NRXN3: variants seen among roughly 807,000 people sequenced by gnomAD.
NRXN3 encodes neurexin III.
NRXN3 carries 32 observed loss-of-function variants against 137.6 expected under a neutral mutation model. That is an observed-to-expected ratio of 0.23 (90% confidence interval 0.18 to 0.31). NRXN3 has a LOEUF of 0.31. NRXN3 is among the 10% of genes least tolerant of loss of function. The probability of loss-of-function intolerance (pLI) is 1.00; values close to 1 mark genes in which losing one functional copy is unlikely to be tolerated. For synonymous variants in NRXN3, 798 were observed against 784.5 expected (o/e 1.02, Z -0.29); for missense variants, 1,574 against 2,062.5 (o/e 0.76, Z 4.59).
chr14:79,529,230 C>A (rs1034339095), intron 16 of NRXN3, among the ~76,000 whole-genome samples: 1 of 152,046 alleles, frequency 6.6e-6, no homozygotes, highest in African/African-American at 2.4e-5. Context: ...AGCAAGCAGG[C>A]GGTACGTGAC....
At chr14:79,619,069 A>C (rs2098193115) in intron 16 of NRXN3, among the ~76,000 whole-genome samples, 1 of 151,670 alleles carries the variant, frequency 6.6e-6, no homozygotes, top group Admixed American at 6.6e-5. Context: ...TTTTGTGTTG[A>C]ATTGTTTAAG....
chr14:78,908,450 G>A (rs1160990766), intron 10 of NRXN3, among the ~76,000 whole-genome samples: 1 of 151,608 alleles, frequency 6.6e-6, no homozygotes, highest in Non-Finnish European at 1.5e-5. Flanking sequence ...CTGATTGTTG[G>A]AACTTCCTCC....
At chr14:79,243,561 G>A (rs1272859782) in intron 15 of NRXN3, among the ~76,000 whole-genome samples, 2 of 152,128 alleles carry the variant, frequency 1.3e-5, no homozygotes, top group Non-Finnish European at 1.5e-5. Context: ...TACATTCTAA[G>A]AAATGTGTCC....
intron 4 of NRXN3, among the ~76,000 whole-genome samples, chr14:78,314,850 A>G (rs1362587802): frequency 6.6e-6 from 1 of 151,484 alleles, no homozygotes; most frequent in Admixed American, 6.6e-5. Flanking sequence ...ACACACATGT[A>G]TGTGTATTTT....
chr14:78,961,690 C>T (rs1228724877), intron 11 of NRXN3, among the ~76,000 whole-genome samples: 2 of 152,186 alleles, frequency 1.3e-5, no homozygotes, highest in African/African-American at 4.8e-5. Flanking sequence ...AATTCAGTAA[C>T]TCCCCCAAGG....
intron 2 of NRXN3, among the ~76,000 whole-genome samples, chr14:78,277,890 C>T (rs1436591518): frequency 5.3e-5 from 8 of 152,050 alleles, no homozygotes; most frequent in South Asian, 2.1e-4. Flanking sequence ...GGTGTTTATT[C>T]GTAGTTGTCA....
chr14:78,183,596 C>T (rs1488723256), intron 1 of NRXN3, among the ~76,000 whole-genome samples: 1 of 152,162 alleles, frequency 6.6e-6, no homozygotes, highest in Admixed American at 6.5e-5. Context: ...CTTTCATATC[C>T]ATTCCCAGTC....
chr14:79,036,361 C>T (rs558158493), intron 15 of NRXN3, among the ~76,000 whole-genome samples: 6 of 151,958 alleles, frequency 3.9e-5, no homozygotes, highest in South Asian at 2.1e-4. Context: ...ACAAGTAAAA[C>T]GAGAGTATGA....
rs1043408227 is a variant in NRXN3, at chr14:79,058,852, A to G, written c.3262+70711A>G. On this transcript the variant is annotated intron_variant, in intron 15 of 20. Coordinates refer to ENST00000335750, the MANE Select transcript of NRXN3 (RefSeq NM_001330195.2). ...AACGTGTGGCATTTCCCCTGCTTACACTTCTCTCTCCTGCTACCATGTGAG... is the reference window on the plus strand; with the variant it reads ...AACGTGTGGCATTTCCCCTGCTTACGCTTCTCTCTCCTGCTACCATGTGAG... Among the ~76,000 whole-genome samples the G allele has an allele frequency of 2.0e-5, 3 of 152,042 alleles. No individual in the cohort carries two copies. In the East Asian group the frequency reaches 5.8e-4, roughly 29 times the overall value.
intron 15 of NRXN3, among the ~76,000 whole-genome samples, chr14:79,463,465 G>A (rs2153607599): frequency 6.6e-6 from 1 of 150,728 alleles, no homozygotes; most frequent in Admixed American, 6.6e-5. Flanking sequence ...ATTATTTGCA[G>A]GTTGTGAGTT....
At chr14:79,725,886 C>A in intron 19 of NRXN3, among the ~76,000 whole-genome samples, 1 of 152,018 alleles carries the variant, frequency 6.6e-6, no homozygotes, top group Non-Finnish European at 1.5e-5. Flanking sequence ...TCTGGGTGTA[C>A]TTTTTGCAAC....
At chr14:79,251,841 C>T (rs775135427) in intron 15 of NRXN3, among the ~76,000 whole-genome samples, 5 of 145,252 alleles carry the variant, frequency 3.4e-5, no homozygotes, top group Admixed American at 1.4e-4. Flanking sequence ...TTTTTTTTTT[C>T]AGGGTCTTGC....
intron 4 of NRXN3, among the ~76,000 whole-genome samples, chr14:78,312,585 A>T (rs1373091115): frequency 2.0e-5 from 3 of 150,140 alleles, no homozygotes; most frequent in African/African-American, 4.9e-5. Context: ...AAAAAGAAAC[A>T]TTTTTTTTTT....
intron 8 of NRXN3, among the ~76,000 whole-genome samples, chr14:78,732,434 A>G (rs955299661): frequency 6.6e-6 from 1 of 152,150 alleles, no homozygotes; most frequent in Non-Finnish European, 1.5e-5. Flanking sequence ...TTGATCCAAG[A>G]AGACTAGTTT....
intron 1 of NRXN3, among the ~76,000 whole-genome samples, chr14:78,197,330 C>A (rs1445146366): frequency 6.6e-6 from 1 of 152,220 alleles, no homozygotes; most frequent in Non-Finnish European, 1.5e-5. Flanking sequence ...TTACTCCCCA[C>A]GCCTCCCTCC....
chr14:79,570,996 C>T (rs553088173), intron 16 of NRXN3, among the ~76,000 whole-genome samples: 94 of 152,310 alleles, frequency 6.2e-4, no homozygotes, highest in African/African-American at 2.2e-3. Context: ...TCCTTAGAGG[C>T]CCCATCTCCA....
intron 15 of NRXN3, among the ~76,000 whole-genome samples, chr14:79,290,636 A>G (rs1489218911): frequency 2.0e-5 from 3 of 149,674 alleles, no homozygotes; most frequent in African/African-American, 2.5e-5. Flanking sequence ...GAGATTCCCC[A>G]GGCTGGGTTT....
chr14:79,126,216 G>C (rs1388469489), intron 15 of NRXN3, among the ~76,000 whole-genome samples: 2 of 151,672 alleles, frequency 1.3e-5, no homozygotes, highest in African/African-American at 4.9e-5. Context: ...GGGTACATGT[G>C]CACAATGTGC....
chr14:79,186,973 A>G (rs144481218), intron 15 of NRXN3, among the ~76,000 whole-genome samples: 1 of 152,294 alleles, frequency 6.6e-6, no homozygotes, highest in Non-Finnish European at 1.5e-5. Flanking sequence ...CATTTGATCT[A>G]TATGTTATAT....
Sources: gnomAD v4.1 joint callset for allele counts (sites outside exome capture counted in the v4.1 genomes callset) on GRCh38, gnomAD v4.1.1 for gene constraint, MANE v1.5 for transcripts, NCBI Gene and HGNC (gene_info 2026-07-23, HGNC 2026-07-21) for gene names.